Variants in PAGE3 observed in about 807,000 individuals in gnomAD.
PAGE3 encodes the protein P antigen family member 3.
Under a neutral mutation model 3.8 loss-of-function variants are expected in PAGE3, and 9 were observed. The observed-to-expected ratio is 2.36, with a 90% CI of 1.42 to 4.12. The LOEUF is 4.12. PAGE3 is among the 30% of genes most tolerant of loss of function. The probability of loss-of-function intolerance (pLI) is 0.00; values close to 1 mark genes in which losing one functional copy is unlikely to be tolerated. For synonymous variants in PAGE3, 24 were observed against 13.1 expected (o/e 1.83, Z -1.79); for missense variants, 73 against 37.8 (o/e 1.93, Z -2.44).
At chrX:55,263,040 A>G (rs1465460677) in intron 3 of PAGE3, among the ~76,000 whole-genome samples, 1 of 110,483 alleles carries the variant, frequency 9.1e-6, no homozygotes, top group Non-Finnish European at 1.9e-5. Flanking sequence ...TCTGGCAAGC[A>G]TAACAAGTAA....
At chrX:55,260,737 C>A in intron 3 of PAGE3, 78 bp from the exon 4 acceptor site, 1 of 409,214 alleles carries the variant, frequency 2.4e-6, no homozygotes, top group Non-Finnish European at 4.4e-6. Flanking sequence ...TTCACTCCCT[C>A]AATGTTATGA....
At chrX:55,263,501 T>G in intron 2 of PAGE3, 142 bp from the exon 3 acceptor site, 1 of 420,475 alleles carries the variant, frequency 2.4e-6, no homozygotes. Flanking sequence ...CTACATATAC[T>G]TATTCTTAAT....
intron 3 of PAGE3, among the ~76,000 whole-genome samples, chrX:55,262,049 A>G (rs1193134369): frequency 1.8e-5 from 2 of 111,721 alleles, no homozygotes; most frequent in African/African-American, 6.5e-5. Context: ...AATACAGCAA[A>G]ATCGTTGACT....
At chrX:55,262,703 GATATATAT>G (rs10534339) in intron 3 of PAGE3, among the ~76,000 whole-genome samples, 31,087 of 90,754 alleles carry the variant, frequency 0.34, 4,404 homozygotes, top group Middle Eastern at 0.46. Flanking sequence ...TGTTACATAT[GATATATAT>G]ATATATATAT....
At chrX:55,259,032 T>C (rs1041628300) in intron 4 of PAGE3, among the ~76,000 whole-genome samples, 2 of 111,876 alleles carry the variant, frequency 1.8e-5, no homozygotes, top group Non-Finnish European at 1.9e-5. Context: ...TTTTGATTAG[T>C]TTACTCTTTA....
At chrX:55,259,882 T>A (rs1938256196) in intron 4 of PAGE3, among the ~76,000 whole-genome samples, 1 of 111,191 alleles carries the variant, frequency 9.0e-6, no homozygotes, top group South Asian at 3.7e-4. Context: ...CTGAAAAATA[T>A]TTTTAATCTA....
intron 4 of PAGE3, among the ~76,000 whole-genome samples, chrX:55,259,646 G>A (rs959465358): frequency 2.7e-5 from 3 of 110,599 alleles, no homozygotes; most frequent in Non-Finnish European, 5.7e-5. Flanking sequence ...TCATAGATAT[G>A]TTGAAAATCT....
intron 1 of PAGE3, among the ~76,000 whole-genome samples, chrX:55,264,187 T>C (rs925619974): frequency 3.6e-5 from 4 of 110,980 alleles, no homozygotes; most frequent in African/African-American, 1.3e-4. Context: ...CATGAAGATA[T>C]CTAGGAAAAT....
At chrX:55,259,577 G>C (rs1938249911) in intron 4 of PAGE3, among the ~76,000 whole-genome samples, 2 of 110,156 alleles carry the variant, frequency 1.8e-5, no homozygotes, top group Middle Eastern at 4.9e-3. Context: ...ATTTTTTATT[G>C]TGTATACTTG....
rs1938321981 is a variant in PAGE3, at chrX:55,263,187, A to G, written c.193+64T>C. The G allele has an allele frequency of 1.2e-5, 6 of 482,324 alleles. No homozygotes were observed. The South Asian group carries it at 1.6e-4, about 13-fold the overall frequency. 39.7% of individuals were successfully genotyped at this position (482,324 alleles called of 1,213,427 possible). A position where few individuals can be genotyped will look rare whatever the true frequency, so the allele number is the denominator to read the frequency against. ...TTTTTCCTCCTTTTACTTCCATATC[A>G]TAATACATGATATATACATACACCC... On this transcript the variant is annotated intron_variant, in intron 3 of 4. Coordinates refer to ENST00000374951, the MANE Select transcript of PAGE3 (RefSeq NM_001017931.3).
rs1305139944 is a variant in PAGE3 at position 55,264,905 on chromosome X, A to C, written c.-368T>G. 1.8e-5 allele frequency: 2 copies of C among 111,600 alleles called. No individual in the cohort carries two copies. Among genetic ancestry groups the C allele is most frequent in the Non-Finnish European group, 1.9e-5 (1 of 53,138 alleles). The allele number at this position is 111,600 out of a possible 1,213,427, so 9.2% of individuals were successfully genotyped here. A position where few individuals can be genotyped will look rare whatever the true frequency, so the allele number is the denominator to read the frequency against. On this transcript the variant is annotated 5_prime_UTR_variant, in exon 1 of 5. Transcript: ENST00000374951. ...TGAGCGCAGACAGCAGACAGCAGAC[A>C]GCAGACAGCAAGGCACATGCGCAAT...
At chrX:55,259,930 A>C (rs1938257604) in intron 4 of PAGE3, among the ~76,000 whole-genome samples, 1 of 111,585 alleles carries the variant, frequency 9.0e-6, no homozygotes, top group Non-Finnish European at 1.9e-5. Flanking sequence ...GTAGAGCAAA[A>C]GCAGTAGACT....
At chrX:55,258,598 A>T in intron 4 of PAGE3, 70 bp from the exon 5 acceptor site, 1 of 540,809 alleles carries the variant, frequency 1.8e-6, no homozygotes, top group Non-Finnish European at 3.4e-6. Flanking sequence ...ACGGGTTGAA[A>T]AAAGGCATAG....
At chrX:55,262,916 A>C (rs1938316473) in intron 3 of PAGE3, among the ~76,000 whole-genome samples, 1 of 108,495 alleles carries the variant, frequency 9.2e-6, no homozygotes, top group Admixed American at 1.0e-4. Flanking sequence ...TTAAACTTTT[A>C]ATATAATTAC....
intron 3 of PAGE3, among the ~76,000 whole-genome samples, chrX:55,261,875 T>A (rs760505215): frequency 1.8e-5 from 2 of 111,860 alleles, no homozygotes; most frequent in East Asian, 5.6e-4. Flanking sequence ...TTTGTAAGCG[T>A]ATGACATATC....
At chrX:55,261,577 GACA>G (rs1938290337) in intron 3 of PAGE3, among the ~76,000 whole-genome samples, 1 of 111,786 alleles carries the variant, frequency 8.9e-6, no homozygotes, top group Non-Finnish European at 1.9e-5. Flanking sequence ...AGTTATTTTT[GACA>G]ACATTAACAG....
chrX:55,263,483 A>G (rs1323184417), intron 2 of PAGE3, 124 bp from the exon 3 acceptor site: 2 of 427,386 alleles, frequency 4.7e-6, no homozygotes, highest in East Asian at 7.8e-5. Flanking sequence ...TTTTTTTCCT[A>G]CACAATTCTA....
intron 3 of PAGE3, among the ~76,000 whole-genome samples, chrX:55,262,470 G>T (rs942830035): frequency 9.0e-6 from 1 of 110,589 alleles, no homozygotes; most frequent in Non-Finnish European, 1.9e-5. Context: ...CCAGTACTGA[G>T]CTATCTCACA....
rs1158024326 is a variant in PAGE3, at chrX:55,258,522, C to T, written c.326G>A (p.Gly109Glu). 1.8e-6 allele frequency: 1 copy of T among 563,758 alleles called. No homozygotes were observed. Among genetic ancestry groups the T allele is most frequent in the Non-Finnish European group, 3.3e-6 (1 of 306,543 alleles). 46.5% of individuals were successfully genotyped at this position (563,758 alleles called of 1,213,427 possible). Residue 109 changes from glycine (G) to glutamate (E), a missense_variant, in exon 5 of 5, where the codon GGG (glycine) becomes GAG (glutamate). Transcript: ENST00000374951. ...TGTCTTCATTTAAACCGATGGTTGCCCTTCACCTATAAGATAAACATAATA... is the reference window on the plus strand; with the variant it reads ...TGTCTTCATTTAAACCGATGGTTGCTCTTCACCTATAAGATAAACATAATA... ...EPVKIPEAGE[G>E]QPSV
Sources: allele counts gnomAD v4.1 joint callset (sites outside exome capture counted in the v4.1 genomes callset), GRCh38; gene constraint gnomAD v4.1.1; transcripts MANE v1.5; gene names NCBI Gene and HGNC (gene_info 2026-07-23, HGNC 2026-07-21).